NRF1: variants seen among roughly 807,000 people sequenced by gnomAD.
The protein encoded by NRF1 is nuclear respiratory factor 1, also known as alpha palindromic-binding protein.
In NRF1, 5 loss-of-function variants were observed where a neutral mutation model predicts 58.5. The ratio of observed to expected loss-of-function variants is 0.09; its 90% CI spans 0.04 to 0.18. The LOEUF is 0.18. Among genes scored for constraint, NRF1 ranks in the 10% least tolerant of loss-of-function variants. NRF1 has a pLI of 1.00. For synonymous variants in NRF1, 224 were observed against 246.7 expected (o/e 0.91, Z 0.86); for missense variants, 288 against 657.7 (o/e 0.44, Z 6.15).
In NRF1 at chr7:129,663,603, C is replaced by T. The variant is rs555963479; in HGVS notation, c.223+6029C>T. Among the ~76,000 whole-genome samples, 28 of 140,506 alleles carry T rather than the reference C, an allele frequency of 2.0e-4. No homozygotes were observed. In the South Asian group the frequency reaches 2.4e-3, roughly 12 times the overall value. The allele number at this position is 140,506 out of a possible 152,430, so 92.2% of individuals were successfully genotyped here. A position where few individuals can be genotyped will look rare whatever the true frequency, so the allele number is the denominator to read the frequency against. On this transcript the variant is annotated intron_variant, in intron 2 of 10. Transcript: ENST00000393232. ...GCAGAGACGCTCCTCACTTCCTAGA[C>T]GGGGTGGCGGCTGGGCAGAGGCGCT... is the stretch of plus-strand genomic sequence containing the variant.
intron 1 of NRF1, among the ~76,000 whole-genome samples, chr7:129,656,456 G>C (rs935141518): frequency 6.6e-6 from 1 of 151,752 alleles, no homozygotes; most frequent in East Asian, 1.9e-4. Context: ...TCTGGGGTGG[G>C]GGGGAGTGGA....
intron 1 of NRF1, among the ~76,000 whole-genome samples, chr7:129,619,235 A>G (rs1423764104): frequency 6.6e-6 from 1 of 151,142 alleles, no homozygotes; most frequent in Non-Finnish European, 1.5e-5. Flanking sequence ...CTGACAGGGA[A>G]GTTAGCCGTG....
chr7:129,657,688 C>T, intron 2 of NRF1, 114 bp downstream of exon 2: 1 of 662,918 alleles, frequency 1.5e-6, no homozygotes, highest in Non-Finnish European at 2.5e-6. Flanking sequence ...TGATTCACTG[C>T]AGCCTTGATC....
chr7:129,740,314 G>A (rs1197553450), intron 10 of NRF1, among the ~76,000 whole-genome samples: 1 of 152,186 alleles, frequency 6.6e-6, no homozygotes, highest in Non-Finnish European at 1.5e-5. Context: ...CTGCTGTTAT[G>A]ATTATTACCA....
At chr7:129,632,232 C>A (rs903813960) in intron 1 of NRF1, among the ~76,000 whole-genome samples, 3 of 152,064 alleles carry the variant, frequency 2.0e-5, no homozygotes, top group Non-Finnish European at 4.4e-5. Flanking sequence ...TGTGATCATG[C>A]CACTGCACTC....
intron 3 of NRF1, among the ~76,000 whole-genome samples, chr7:129,675,608 C>T (rs1299310552): frequency 6.6e-6 from 1 of 152,188 alleles, no homozygotes; most frequent in African/African-American, 2.4e-5. Flanking sequence ...TGTACGTCTC[C>T]GTTAGAGCTC....
chr7:129,739,107 C>T (rs1443347863), intron 10 of NRF1, among the ~76,000 whole-genome samples: 1 of 152,104 alleles, frequency 6.6e-6, no homozygotes. Context: ...AACATGATAC[C>T]AAAACCTAAC....
intron 1 of NRF1, among the ~76,000 whole-genome samples, chr7:129,656,097 G>A (rs796465415): frequency 9.9e-5 from 15 of 151,694 alleles, no homozygotes; most frequent in African/African-American, 3.6e-4. Flanking sequence ...AGAATAGCTG[G>A]ATCATGTGGT....
chr7:129,639,545 CTTTT>C (rs11325662), intron 1 of NRF1, among the ~76,000 whole-genome samples: 6 of 123,896 alleles, frequency 4.8e-5, no homozygotes, highest in Admixed American at 7.9e-5. Flanking sequence ...CCCCACAACC[CTTTT>C]TTTTTTTTTT....
chr7:129,668,709 T>C (rs896302921), intron 2 of NRF1, among the ~76,000 whole-genome samples: 2 of 152,198 alleles, frequency 1.3e-5, no homozygotes, highest in Non-Finnish European at 2.9e-5. Context: ...TCTAGAAACA[T>C]TATTCTAAGT....
rs1020836360 is a variant in NRF1, at chr7:129,717,229, A to G, written c.1076A>G (p.Asn359Ser). The change falls in exon 9 of 11, where the codon AAT becomes AGT. Residue 359 changes from asparagine to serine, a missense_variant. Asn to Ser is a conservative substitution (Grantham distance 46). This residue lies in a region of NRF1 where 212 missense variants were observed against 559.7 expected (regional missense o/e 0.38). Transcript: ENST00000393232. ...SAVADGEVEQ[N>S]WATLQGGEMT... Reference sequence around the variant, plus strand: ...TCCTTTCTGCCTCAGGTGGAACAAAATTGGGCCACGTTACAGGGAGGTGAG... The same window carrying G: ...TCCTTTCTGCCTCAGGTGGAACAAAGTTGGGCCACGTTACAGGGAGGTGAG... 6.2e-7 allele frequency: 1 copy of G among 1,606,084 alleles called. No homozygotes were observed. The highest frequency in any genetic ancestry group is 1.3e-5 in the African/African-American group (1 of 74,530).
intron 10 of NRF1, among the ~76,000 whole-genome samples, chr7:129,734,062 C>T (rs1398059808): frequency 6.6e-6 from 1 of 152,144 alleles, no homozygotes; most frequent in Non-Finnish European, 1.5e-5. Context: ...GCATACCCCA[C>T]TTGTGGAGCT....
At chr7:129,657,248 C>A in intron 1 of NRF1, 98 bp from the exon 2 acceptor site, 1 of 875,172 alleles carries the variant, frequency 1.1e-6, no homozygotes, top group Non-Finnish European at 1.8e-6. Flanking sequence ...GGAATTTTGT[C>A]AAGGTTCCTC....
intron 1 of NRF1, chr7:129,641,941 A>C (rs1801300067): frequency 6.6e-6 from 1 of 152,054 alleles, no homozygotes; most frequent in African/African-American, 2.4e-5. Flanking sequence ...AGCCTCCCAA[A>C]GTGCTGAGAT....
intron 1 of NRF1, among the ~76,000 whole-genome samples, chr7:129,637,669 T>G (rs1380348339): frequency 1.3e-5 from 2 of 152,322 alleles, no homozygotes; most frequent in East Asian, 3.9e-4. Flanking sequence ...TAGCAGATTT[T>G]ATAACCTGTT....
chr7:129,613,804 GC>G (rs1800597786), intron 1 of NRF1, among the ~76,000 whole-genome samples: 2 of 151,052 alleles, frequency 1.3e-5, no homozygotes, highest in Admixed American at 6.6e-5. Context: ...AGGGGCGGGG[GC>G]GGGGGCTGCC....
intron 10 of NRF1, chr7:129,735,090 G>A (rs1291181897): frequency 1.0e-6 from 1 of 985,406 alleles, no homozygotes; most frequent in Non-Finnish European, 1.2e-6. Context: ...CCTTGCTTGG[G>A]GTCCCCCAGA....
At chr7:129,649,212 T>G (rs1414567967) in intron 1 of NRF1, among the ~76,000 whole-genome samples, 2 of 152,320 alleles carry the variant, frequency 1.3e-5, no homozygotes, top group East Asian at 3.9e-4. Flanking sequence ...TTTAGGCTTC[T>G]TTAGGCTTCT....
intron 4 of NRF1, among the ~76,000 whole-genome samples, chr7:129,680,255 C>T (rs553493300): frequency 6.6e-5 from 10 of 152,096 alleles, no homozygotes; most frequent in South Asian, 2.1e-4. Flanking sequence ...GATTAATAAT[C>T]ATAGTCATTA....
Sources: allele counts gnomAD v4.1 joint callset (sites outside exome capture counted in the v4.1 genomes callset), GRCh38; gene constraint gnomAD v4.1.1; regional missense constraint gnomAD v4.1.1; transcripts MANE v1.5; gene names NCBI Gene and HGNC (gene_info 2026-07-23, HGNC 2026-07-21).